The following CNOT6L variants were observed in gnomAD, a reference collection of about 807,000 sequenced individuals.
CNOT6L encodes the protein CCR4-NOT transcription complex subunit 6-like.
CNOT6L carries 7 observed loss-of-function variants against 64.0 expected under a neutral mutation model. The observed-to-expected ratio is 0.11, with a 90% CI of 0.06 to 0.21. CNOT6L has a LOEUF of 0.21. Among genes scored for constraint, CNOT6L ranks in the 10% least tolerant of loss-of-function variants. The pLI, the probability that CNOT6L is intolerant of heterozygous loss-of-function variation, is 1.00. For missense variants in CNOT6L, 245 were observed against 669.0 expected, an observed-to-expected ratio of 0.37 and a Z score of 6.99; for synonymous variants, 193 against 243.4, an observed-to-expected ratio of 0.79 and a Z score of 1.93.
intron 5 of CNOT6L, among the ~76,000 whole-genome samples, chr4:77,752,028 C>G (rs1023977614): frequency 6.6e-6 from 1 of 152,022 alleles, no homozygotes; most frequent in African/African-American, 2.4e-5. Context: ...AAAAAATTAG[C>G]CAGACGTGGT....
At chr4:77,790,702 C>T (rs1730030148) in intron 1 of CNOT6L, among the ~76,000 whole-genome samples, 1 of 151,916 alleles carries the variant, frequency 6.6e-6, no homozygotes, top group Non-Finnish European at 1.5e-5. Context: ...AAACTTTCCC[C>T]ACTTTTTTTT....
chr4:77,732,603 A>G (rs1246454466), intron 8 of CNOT6L, among the ~76,000 whole-genome samples: 2 of 152,082 alleles, frequency 1.3e-5, no homozygotes, highest in Non-Finnish European at 2.9e-5. Flanking sequence ...CTGGACTGAC[A>G]AGTGTAAAGG....
chr4:77,762,599 C>CA (rs1044738156), intron 4 of CNOT6L, among the ~76,000 whole-genome samples: 98 of 152,106 alleles, frequency 6.4e-4, no homozygotes, highest in African/African-American at 2.3e-3. Context: ...TATAAAATTT[C>CA]AAAAAAACAA....
At chr4:77,779,247 G>A (rs985004695) in intron 1 of CNOT6L, among the ~76,000 whole-genome samples, 5 of 151,856 alleles carry the variant, frequency 3.3e-5, no homozygotes, top group African/African-American at 1.2e-4. Flanking sequence ...TTTGTGGAAT[G>A]ATCAATGATC....
At chr4:77,774,275 G>A (rs1364570591) in intron 3 of CNOT6L, among the ~76,000 whole-genome samples, 1 of 152,052 alleles carries the variant, frequency 6.6e-6, no homozygotes. Flanking sequence ...TGGATAATGA[G>A]ACTTACTATT....
At chr4:77,749,504 T>G (rs1724610570) in intron 5 of CNOT6L, among the ~76,000 whole-genome samples, 1 of 152,184 alleles carries the variant, frequency 6.6e-6, no homozygotes, top group South Asian at 2.1e-4. Context: ...TAAGCTGGCT[T>G]GCTTAAAAAT....
chr4:77,807,454 G>C (rs886431329), intron 1 of CNOT6L, among the ~76,000 whole-genome samples: 1 of 152,000 alleles, frequency 6.6e-6, no homozygotes, highest in African/African-American at 2.4e-5. Flanking sequence ...TGTAGTAAGT[G>C]TTATGAATGA....
chr4:77,746,027 C>T (rs562311057), intron 6 of CNOT6L, among the ~76,000 whole-genome samples: 2 of 152,222 alleles, frequency 1.3e-5, no homozygotes, highest in East Asian at 3.9e-4. Flanking sequence ...GGAAATGACC[C>T]AGCATCATTT....
At chr4:77,766,571 GATGAA>G (rs1245462885) in intron 4 of CNOT6L, among the ~76,000 whole-genome samples, 1 of 151,638 alleles carries the variant, frequency 6.6e-6, no homozygotes, top group Non-Finnish European at 1.5e-5. Flanking sequence ...ATTTTCAGCA[GATGAA>G]ATGATTACTG....
chr4:77,737,411 T>C (rs1013979187), intron 8 of CNOT6L, among the ~76,000 whole-genome samples: 1 of 4,416 alleles, frequency 2.3e-4, no homozygotes, highest in East Asian at 5.0e-3. Flanking sequence ...CCGTTCTTTT[T>C]TTTTTTTTTT....
At chr4:77,792,582 T>C (rs1730287393) in intron 1 of CNOT6L, among the ~76,000 whole-genome samples, 1 of 151,814 alleles carries the variant, frequency 6.6e-6, no homozygotes, top group Non-Finnish European at 1.5e-5. Context: ...AAAAATTAGC[T>C]GGGCATGGCG....
chr4:77,778,176 TTTTTAGGTAACAAGG>T (rs1728364662), intron 1 of CNOT6L, among the ~76,000 whole-genome samples: 1 of 152,172 alleles, frequency 6.6e-6, no homozygotes, highest in African/African-American at 2.4e-5. Context: ...GAAAATAAAG[TTTTTAGGTAACAAGG>T]TTTTCAGAAT....
intron 1 of CNOT6L, among the ~76,000 whole-genome samples, chr4:77,796,119 ATAT>A (rs1237202096): frequency 5.3e-5 from 8 of 152,196 alleles, no homozygotes; most frequent in Non-Finnish European, 8.8e-5. Context: ...AGTAAGCATA[ATAT>A]CTAATAGGTA....
chr4:77,720,717 C>A, intron 11 of CNOT6L, 74 bp from the exon 12 acceptor site: 1 of 1,468,528 alleles, frequency 6.8e-7, no homozygotes, highest in Non-Finnish European at 9.3e-7. Context: ...TTTATAAAAA[C>A]CAAAAAACTG....
At chr4:77,759,975 T>A (rs1223109867) in intron 4 of CNOT6L, among the ~76,000 whole-genome samples, 1 of 152,172 alleles carries the variant, frequency 6.6e-6, no homozygotes, top group East Asian at 1.9e-4. Flanking sequence ...TAAAACTAGA[T>A]ACCAACAGAC....
chr4:77,813,797 T>C (rs534920802), intron 1 of CNOT6L, among the ~76,000 whole-genome samples: 25 of 152,316 alleles, frequency 1.6e-4, no homozygotes, highest in Non-Finnish European at 3.4e-4. Flanking sequence ...ACACTGCTGA[T>C]GGAAATGTAA....
chr4:77,818,637 T>C (rs1185401801), intron 1 of CNOT6L, among the ~76,000 whole-genome samples: 2 of 152,124 alleles, frequency 1.3e-5, no homozygotes, highest in African/African-American at 4.8e-5. Context: ...AGGCTTGCAG[T>C]TGGAACGCCA....
chr4:77,813,655 T>C (rs902142840), intron 1 of CNOT6L, among the ~76,000 whole-genome samples: 4 of 152,006 alleles, frequency 2.6e-5, no homozygotes, highest in Non-Finnish European at 4.4e-5. Context: ...CAACAGCACA[T>C]AAAAAGCATC....
In CNOT6L at chr4:77,714,228, CT is replaced by C. The variant is rs1175331928; in HGVS notation, c.*6202del. The C allele has an allele frequency of 2.0e-5, 3 of 152,356 alleles. No homozygotes were observed. The highest frequency in any genetic ancestry group is 7.3e-5 in the African/African-American group (3 of 41,370). 9.4% of individuals were successfully genotyped at this position (152,356 alleles called of 1,614,324 possible). On this transcript the variant is annotated 3_prime_UTR_variant, in exon 12 of 12. Coordinates refer to ENST00000504123, the MANE Select transcript of CNOT6L (RefSeq NM_144571.3). ...TCAAATGTATGCAAAATAATGAATTCTTTAACTTAATGCCAGGTAATGAAAA... is the reference window on the plus strand; with the variant it reads ...TCAAATGTATGCAAAATAATGAATTCTTAACTTAATGCCAGGTAATGAAAA...
Sources: gnomAD v4.1 joint callset for allele counts (sites outside exome capture counted in the v4.1 genomes callset) on GRCh38, gnomAD v4.1.1 for gene constraint, MANE v1.5 for transcripts, NCBI Gene and HGNC (gene_info 2026-07-23, HGNC 2026-07-21) for gene names.